The following ZNF185 variants were observed in gnomAD, a reference collection of about 807,000 sequenced individuals.
The protein encoded by ZNF185 is zinc finger protein 185.
In ZNF185, 56 loss-of-function variants were observed where a neutral mutation model predicts 58.6. That is an observed-to-expected ratio of 0.95 (90% confidence interval 0.77 to 1.19). The LOEUF is 1.19. Among genes scored for constraint, ZNF185 ranks in the 50% most tolerant of loss-of-function variants. The probability of loss-of-function intolerance (pLI) is 0.00; values close to 1 mark genes in which losing one functional copy is unlikely to be tolerated. For synonymous variants in ZNF185, 230 were observed against 215.9 expected, an observed-to-expected ratio of 1.07 and a Z score of -0.57; for missense variants, 627 against 573.5, an observed-to-expected ratio of 1.09 and a Z score of -0.95.
chrX:152,967,148 C>G lies in ZNF185; in HGVS notation c.1800-19C>G, dbSNP rs2050199802. On this transcript the variant is annotated intron_variant, in intron 19 of 22. Coordinates refer to ENST00000449285, the Ensembl canonical transcript of ZNF185. The stretch of plus-strand genomic sequence containing the variant: ...GGCTCTCATCTCTGCCCTCCTCTCC[C>G]CTATCAAACTCCCTGCAGCGTCAGC... 1.7e-6 allele frequency: 2 copies of G among 1,205,142 alleles called. No homozygotes were observed. The highest frequency in any genetic ancestry group is 1.8e-5 in the African/African-American group (1 of 57,072).
chrX:152,938,101 C>T, exon 15 of ZNF185: 2 of 1,182,924 alleles, frequency 1.7e-6, no homozygotes, highest in South Asian at 3.8e-5. Context: ...TCTCTGCTGT[C>T]CCTGCTGATA....
intron 15 of ZNF185, among the ~76,000 whole-genome samples, chrX:152,942,074 T>A (rs982274096): frequency 2.9e-5 from 3 of 103,578 alleles, no homozygotes; most frequent in Non-Finnish European, 5.9e-5. Context: ...CGCTGGGCCC[T>A]CGGGCTGACC....
intron 17 of ZNF185, among the ~76,000 whole-genome samples, chrX:152,960,180 T>A (rs1259339446): frequency 8.9e-6 from 1 of 111,911 alleles, no homozygotes; most frequent in Non-Finnish European, 1.9e-5. Flanking sequence ...GAAACCTGGG[T>A]CAGGGGAGGG....
At chrX:152,922,857 C>CCCGCCAGCCTGGCTGGCTGGTT (rs1556870537) in intron 11 of ZNF185, 48 bp downstream of exon 12, 1 of 1,113,267 alleles carries the variant, frequency 9.0e-7, no homozygotes, top group African/African-American at 1.8e-5. Flanking sequence ...GTGATGGCTT[C>CCCGCCAGCCTGGCTGGCTGGTT]CCGCCAGCCT....
At chrX:152,920,625 A>G (rs1939509417) in intron 8 of ZNF185, 82 bp from the exon 10 acceptor site, 1 of 1,144,608 alleles carries the variant, frequency 8.7e-7, no homozygotes, top group Non-Finnish European at 1.2e-6. Context: ...GAGAGGGCCC[A>G]GGACCCTCTG....
intron 16 of ZNF185, among the ~76,000 whole-genome samples, chrX:152,955,899 TA>T (rs77247991): frequency 0.03 from 2,666 of 88,852 alleles, 66 homozygotes; most frequent in African/African-American, 0.084. Flanking sequence ...AGACTCCACC[TA>T]AAAAAAAAAA....
chrX:152,962,253 T>C (rs782503689), intron 17 of ZNF185, among the ~76,000 whole-genome samples: 15 of 110,386 alleles, frequency 1.4e-4, no homozygotes, highest in Non-Finnish European at 2.8e-4. Flanking sequence ...AGGGCTCCTA[T>C]TGCTCACATT....
At chrX:152,973,359 C>T (rs1556921393) in exon 23 of ZNF185, 1 of 112,637 alleles carries the variant, frequency 8.9e-6, no homozygotes, top group African/African-American at 3.2e-5. Flanking sequence ...CAGAATTTTG[C>T]AGATCTGAGG....
intron 5 of ZNF185, 33 bp downstream of exon 6, chrX:152,917,395 T>G: frequency 8.4e-7 from 1 of 1,193,912 alleles, no homozygotes; most frequent in South Asian, 1.8e-5. Flanking sequence ...AGTCGGCCAG[T>G]GGGGAGGTGT....
chrX:152,902,964 G>A, the ZNF185 span, among the ~76,000 whole-genome samples: 23 of 111,742 alleles, frequency 2.1e-4, no homozygotes, highest in East Asian at 5.9e-3. Flanking sequence ...GAAGGAATTA[G>A]CTTTGGCTGA....
intron 16 of ZNF185, among the ~76,000 whole-genome samples, chrX:152,955,052 A>G (rs1236577306): frequency 9.0e-6 from 1 of 111,655 alleles, no homozygotes; most frequent in Non-Finnish European, 1.9e-5. Context: ...CCTTATTTGA[A>G]CACAGTTTGA....
intron 16 of ZNF185, among the ~76,000 whole-genome samples, chrX:152,959,273 G>A (rs2049212077): frequency 9.0e-6 from 1 of 111,683 alleles, no homozygotes. Context: ...CTAGACTGCC[G>A]GGTATTTGAT....
intron 20 of ZNF185, among the ~76,000 whole-genome samples, chrX:152,967,642 T>C (rs1431037231): frequency 1.8e-5 from 2 of 112,041 alleles, no homozygotes; most frequent in Non-Finnish European, 3.8e-5. Context: ...AATGGGCTGC[T>C]GGCATCAAGA....
the ZNF185 span, among the ~76,000 whole-genome samples, chrX:152,900,492 A>G: frequency 8.8e-6 from 1 of 113,303 alleles, no homozygotes; most frequent in Non-Finnish European, 1.9e-5. Flanking sequence ...GGCATGGGAC[A>G]GGACCAGTGC....
At chrX:152,917,348 C>T (rs782311404) in exon 5 of ZNF185, 14 of 1,210,232 alleles carry the variant, frequency 1.2e-5, no homozygotes, top group East Asian at 5.9e-5. Context: ...CCAAGGCCAA[C>T]GGGACTCCAA....
At chrX:152,911,497 G>A (rs1252101873), upstream of ZNF185, among the ~76,000 whole-genome samples, 1 of 111,119 alleles carries the variant, frequency 9.0e-6, no homozygotes. Context: ...AAAGGCAGCA[G>A]GCCAGGGACC....
chrX:152,921,445 C>T, intron 9 of ZNF185, among the ~76,000 whole-genome samples: 1 of 99,450 alleles, frequency 1.0e-5, no homozygotes, highest in East Asian at 3.4e-4. Flanking sequence ...GTGGGACTAG[C>T]TTGCTGTGTT....
intron 14 of ZNF185, among the ~76,000 whole-genome samples, chrX:152,934,264 C>T (rs2046009603): frequency 8.9e-6 from 1 of 112,443 alleles, no homozygotes; most frequent in Admixed American, 9.4e-5. Context: ...TCCTGCTACT[C>T]TCCCCACAGT....
At position 152,967,228 on chromosome X, in the gene ZNF185, T is replaced by TA; in HGVS notation, c.1862dup (p.Tyr621Ter). The change falls in exon 20 of 23, where the codon TAC (tyrosine) becomes TAAC (stop). Residue 621 changes from tyrosine (Y) to a stop codon, truncating the protein, a stop_gained and frameshift_variant. Coordinates refer to ENST00000449285, the Ensembl canonical transcript of ZNF185. LOFTEE classifies it high-confidence loss of function. The stretch of plus-strand genomic sequence containing the variant: ...GAAGCCTCCATGTGGCAGCACTCCA[T>TA]ACTCTGAGAGGTATGTTGACTTTCT... The TA allele has an allele frequency of 8.3e-7, 1 of 1,210,738 alleles. No homozygotes were observed. Among genetic ancestry groups the TA allele is most frequent in the Non-Finnish European group, 1.1e-6 (1 of 894,553 alleles).
Sources: gnomAD v4.1 joint callset for allele counts (sites outside exome capture counted in the v4.1 genomes callset) on GRCh38, gnomAD v4.1.1 for gene constraint, MANE v1.5 for transcripts, NCBI Gene and HGNC (gene_info 2026-07-23, HGNC 2026-07-21) for gene names.